Variants in PLK1 observed in about 807,000 individuals in gnomAD.
PLK1 encodes polo like kinase 1, also known as serine/threonine-protein kinase PLK1.
Under a neutral mutation model 56.7 loss-of-function variants are expected in PLK1, and 6 were observed. The observed-to-expected ratio is 0.11, with a 90% CI of 0.06 to 0.21. The LOEUF (loss-of-function observed/expected upper bound fraction) is 0.21, where lower values mean the gene tolerates loss of function less well. PLK1 is among the 10% of genes least tolerant of loss of function. The pLI, the probability that PLK1 is intolerant of heterozygous loss-of-function variation, is 1.00. For missense variants in PLK1, 546 were observed against 814.4 expected, an observed-to-expected ratio of 0.67 and a Z score of 4.01; for synonymous variants, 298 against 325.0, an observed-to-expected ratio of 0.92 and a Z score of 0.89.
At chr16:23,686,678 A>G (rs1292749712) in intron 5 of PLK1, among the ~76,000 whole-genome samples, 1 of 151,820 alleles carries the variant, frequency 6.6e-6, no homozygotes. Flanking sequence ...TTTAGTAAAG[A>G]CAGGGTTTTG....
chr16:23,680,284 A>G (rs776484518), intron 2 of PLK1, 32 bp downstream of exon 2: 3 of 1,604,904 alleles, frequency 1.9e-6, no homozygotes, highest in Admixed American at 1.7e-5. Context: ...GGTGCTTGAC[A>G]TCACTACAAG....
At position 23,679,173 on chromosome 16, in the gene PLK1, G is replaced by A. The variant is rs1196244303; in HGVS notation, c.241G>A (p.Gly81Ser). Residue 81 changes from glycine (G) to serine (S), a missense_variant, in exon 1 of 10, where the codon GGC (glycine) becomes AGC (serine). By Grantham distance (56) the Gly-to-Ser change is moderately conservative. Around this residue, in one of 7 missense-constraint regions of PLK1, gnomAD observed 111 missense variants for 211.8 expected, o/e 0.52. Coordinates refer to ENST00000300093, the MANE Select transcript of PLK1 (RefSeq NM_005030.6). ...SDADTKEVFA[G>S]KIVPKSLLLK... is the part of the protein sequence containing the mutation. ...CGCGGACACCAAGGAGGTGTTCGCGGGCAAGATTGTGCCTAAGTCTCTGCT... is the reference window on the plus strand; with the variant it reads ...CGCGGACACCAAGGAGGTGTTCGCGAGCAAGATTGTGCCTAAGTCTCTGCT... 1 of 1,614,016 alleles carries A rather than the reference G, an allele frequency of 6.2e-7. No individual in the cohort carries two copies. Among genetic ancestry groups the A allele is most frequent in the Non-Finnish European group, 8.5e-7 (1 of 1,179,990 alleles).
Position 23,689,478 on chromosome 16 carries a change from C to A in PLK1, c.1426-16C>A. 1.2e-6 allele frequency: 2 copies of A among 1,603,862 alleles called. No homozygotes were observed. Among genetic ancestry groups the A allele is most frequent in the Non-Finnish European group, 8.5e-7 (1 of 1,171,628 alleles). On this transcript the variant is annotated splice_polypyrimidine_tract_variant and intron_variant, in intron 8 of 9. Transcript: ENST00000300093. This position sits in a 1 kb window ranked among gnomAD's most constrained non-coding sequence, Gnocchi z 4.8. ...CAGACTCTAATTCTGGAACCCCTTACCTACTTTTCATCCAGATCACCCTCC... is the reference window on the plus strand; with the variant it reads ...CAGACTCTAATTCTGGAACCCCTTAACTACTTTTCATCCAGATCACCCTCC...
rs765976859 is a variant in PLK1 at position 23,689,277 on chromosome 16, A to G, written c.1310A>G (p.Asn437Ser). Residue 437 changes from asparagine to serine, a missense_variant, in exon 8 of 10, where the codon AAT becomes AGT. By Grantham distance (46) the Asn-to-Ser change is conservative (BLOSUM62 1). Transcript: ENST00000300093. The surrounding 1 kb of genome is among the most constrained non-coding windows in gnomAD (Gnocchi z 4.8). ...GATAACAGCGTGGGGGTGCTCTTCAATGACTCAACACGCCTCATCCTCTAC... is the reference window on the plus strand; with the variant it reads ...GATAACAGCGTGGGGGTGCTCTTCAGTGACTCAACACGCCTCATCCTCTAC... ...LCDNSVGVLF[N>S]DSTRLILYND... 6.8e-6 allele frequency: 11 copies of G among 1,613,648 alleles called. No individual in the cohort carries two copies. Among genetic ancestry groups the G allele is most frequent in the African/African-American group, 1.3e-5 (1 of 74,864 alleles).
chr16:23,683,053 C>G (rs1468527888), intron 4 of PLK1, among the ~76,000 whole-genome samples: 1 of 127,124 alleles, frequency 7.9e-6, no homozygotes, highest in African/African-American at 3.0e-5. Flanking sequence ...TGCAGTGGTA[C>G]AATCTCGGCT....
At position 23,689,028 on chromosome 16, in the gene PLK1, G is replaced by A. The variant is rs944442931; in HGVS notation, c.1271-210G>A. ...CCCCTAAGTAGCTGTGACTACAGGC[G>A]TGCACCATTATGCTCAGCTAATTTT... On this transcript the variant is annotated intron_variant, in intron 7 of 9. Coordinates refer to ENST00000300093, the MANE Select transcript of PLK1 (RefSeq NM_005030.6). This position sits in a 1 kb window ranked among gnomAD's most constrained non-coding sequence, Gnocchi z 4.8. Among the ~76,000 whole-genome samples the A allele has an allele frequency of 6.6e-5, 10 of 152,186 alleles. No individual in the cohort carries two copies. The highest frequency in any genetic ancestry group is 3.9e-4 in the East Asian group (2 of 5,174).
chr16:23,679,591 T>C, intron 1 of PLK1: 1 of 484,790 alleles, frequency 2.1e-6, no homozygotes. Context: ...AGTCAGCTTC[T>C]GGACGCGAGG....
intron 2 of PLK1, 63 bp from the exon 3 acceptor site, chr16:23,680,851 T>G (rs1036061539): frequency 1.3e-6 from 2 of 1,517,524 alleles, no homozygotes; most frequent in Non-Finnish European, 1.8e-6. Flanking sequence ...TTAACTAGCC[T>G]TCTGCATTGA....
chr16:23,687,877 G>T (rs1959454533), intron 6 of PLK1: 2 of 298,736 alleles, frequency 6.7e-6, no homozygotes, highest in Non-Finnish European at 1.2e-5. Flanking sequence ...AGTTCCTATT[G>T]TATCTTCAAG....
chr16:23,680,493 AG>A (rs1180647571), intron 2 of PLK1, among the ~76,000 whole-genome samples: 3 of 152,202 alleles, frequency 2.0e-5, no homozygotes, highest in Non-Finnish European at 2.9e-5. Flanking sequence ...AACAGGTGAA[AG>A]CTTCAGTAAT....
intron 5 of PLK1, among the ~76,000 whole-genome samples, chr16:23,685,943 CGATT>C (rs1196469281): frequency 6.6e-6 from 1 of 151,952 alleles, no homozygotes; most frequent in East Asian, 1.9e-4. Context: ...TCCTTCTCTC[CGATT>C]GATTTATTTA....
rs1359244201 is a variant in PLK1, at chr16:23,680,070, C to T, written c.409-14C>T. On this transcript the variant is annotated splice_polypyrimidine_tract_variant and intron_variant, in intron 1 of 9. Transcript: ENST00000300093. ...ACCTCCCCATCCCTCCTGCCCTCTC[C>T]TTCCCACCCACAGTCTCTCCTGGAG... 1.2e-6 allele frequency: 2 copies of T among 1,609,154 alleles called. No individual in the cohort carries two copies. Among genetic ancestry groups the T allele is most frequent in the Admixed American group, 1.7e-5 (1 of 59,880 alleles).
At chr16:23,687,940 G>T (rs1253351880) in intron 6 of PLK1, 3 of 184,860 alleles carry the variant, frequency 1.6e-5, no homozygotes, top group Non-Finnish European at 2.2e-5. Flanking sequence ...TTTCTCCCTG[G>T]TCCTGGCACG....
chr16:23,679,199 G>T lies in PLK1; in HGVS notation c.267G>T (p.Leu89=), dbSNP rs1959284866. ...FAGKIVPKSL[L]LKPHQREKMS... is the part of the protein sequence containing the mutation. ...GCAAGATTGTGCCTAAGTCTCTGCT[G>T]CTCAAGCCGCACCAGAGGGAGAAGA... Residue 89 remains leucine, a synonymous_variant, in exon 1 of 10, where the codon CTG becomes CTT. Coordinates refer to ENST00000300093, the MANE Select transcript of PLK1 (RefSeq NM_005030.6). 6.2e-7 allele frequency: 1 copy of T among 1,614,038 alleles called. No individual in the cohort carries two copies. The highest frequency in any genetic ancestry group is 1.3e-5 in the African/African-American group (1 of 75,056).
In PLK1 at chr16:23,688,756, T is replaced by G. The variant is rs376439699; in HGVS notation, c.1270+11T>G. 5.6e-6 allele frequency: 9 copies of G among 1,599,134 alleles called. No individual in the cohort carries two copies. The African/African-American group carries it at 1.2e-4, about 21-fold the overall frequency. ...ACAAGTACGGCCTTGGTAGGTTTCTTCCAGAACAGGTGGGTGACTCAGGCA... is the reference window on the plus strand; with the variant it reads ...ACAAGTACGGCCTTGGTAGGTTTCTGCCAGAACAGGTGGGTGACTCAGGCA... On this transcript the variant is annotated intron_variant, in intron 7 of 9. Coordinates refer to ENST00000300093, the MANE Select transcript of PLK1 (RefSeq NM_005030.6).
rs775802068 is a variant in PLK1 at position 23,681,053 on chromosome 16, T to C, written c.717T>C (p.Cys239=). The C allele has an allele frequency of 6.2e-7, 1 of 1,612,144 alleles. No homozygotes were observed. The highest frequency in any genetic ancestry group is 2.2e-5 in the East Asian group (1 of 44,718). ...AGGTGGATGTGTGGTCCATTGGGTG[T>C]ATCATGTAAGTTGGGAGTTGTCTCT... ...SFEVDVWSIG[C]IMYTLLVGKP... Residue 239 remains cysteine, a synonymous_variant, in exon 3 of 10, where the codon TGT becomes TGC. Transcript: ENST00000300093.
intron 5 of PLK1, among the ~76,000 whole-genome samples, chr16:23,686,131 T>C (rs1319078507): frequency 6.6e-6 from 1 of 152,138 alleles, no homozygotes; most frequent in Non-Finnish European, 1.5e-5. Flanking sequence ...TTTGATCTCC[T>C]GGGCTCAAGT....
intron 5 of PLK1, among the ~76,000 whole-genome samples, chr16:23,686,845 C>G (rs1361657047): frequency 6.6e-6 from 1 of 152,034 alleles, no homozygotes; most frequent in East Asian, 1.9e-4. Flanking sequence ...TACCCAAGTC[C>G]CTATCATGAC....
At chr16:23,683,759 T>C in intron 4 of PLK1, 111 bp from the exon 5 acceptor site, 1 of 812,304 alleles carries the variant, frequency 1.2e-6, no homozygotes, top group Non-Finnish European at 2.1e-6. Context: ...CTGTGGTGTA[T>C]TTGAGACTGG....
Sources: gnomAD v4.1 joint callset for allele counts (sites outside exome capture counted in the v4.1 genomes callset) on GRCh38, gnomAD v4.1.1 for gene constraint, gnomAD v4.1.1 regional missense constraint, Gnocchi (gnomAD v3.1) non-coding constraint, MANE v1.5 for transcripts, NCBI Gene and HGNC (gene_info 2026-07-23, HGNC 2026-07-21) for gene names.